The following RPN2 variants were observed in gnomAD, a reference collection of about 807,000 sequenced individuals.
RPN2 encodes ribophorin II, also known as dolichyl-diphosphooligosaccharide--protein glycosyltransferase subunit 2.
In RPN2, 29 loss-of-function variants were observed where a neutral mutation model predicts 71.4. The ratio of observed to expected loss-of-function variants is 0.41; its 90% CI spans 0.30 to 0.55. The LOEUF is 0.55. RPN2 is among the 20% of genes least tolerant of loss of function. The pLI is 0.35. For synonymous variants in RPN2, 308 were observed against 305.0 expected (o/e 1.01, Z -0.10); for missense variants, 726 against 774.1 (o/e 0.94, Z 0.74).
intron 9 of RPN2, among the ~76,000 whole-genome samples, chr20:37,217,600 T>C (rs1355928610): frequency 6.6e-6 from 1 of 151,818 alleles, no homozygotes; most frequent in Non-Finnish European, 1.5e-5. Flanking sequence ...CTAAATCTTA[T>C]TTTTTCAGTG....
intron 16 of RPN2, chr20:37,238,629 G>A (rs2068468663): frequency 1.4e-6 from 1 of 726,968 alleles, no homozygotes. Flanking sequence ...CTGGACCAGG[G>A]CAAAAGCTTC....
intron 1 of RPN2, among the ~76,000 whole-genome samples, chr20:37,182,283 AG>A (rs1323110031): frequency 3.3e-5 from 5 of 151,684 alleles, no homozygotes; most frequent in Admixed American, 1.3e-4. Flanking sequence ...TAGTAGAGAC[AG>A]GGTTTCACCA....
At chr20:37,233,059 C>G (rs2068293112) in intron 14 of RPN2, among the ~76,000 whole-genome samples, 1 of 151,244 alleles carries the variant, frequency 6.6e-6, no homozygotes, top group South Asian at 2.1e-4. Context: ...CTACTAAAAT[C>G]AGAAAATTAG....
At chr20:37,181,608 G>A (rs1010768472) in intron 1 of RPN2, among the ~76,000 whole-genome samples, 1 of 151,970 alleles carries the variant, frequency 6.6e-6, no homozygotes, top group African/African-American at 2.4e-5. Flanking sequence ...TAGTAGACAT[G>A]GGGTTTCACC....
intron 10 of RPN2, among the ~76,000 whole-genome samples, chr20:37,224,816 G>T (rs7266776): frequency 0.74 from 112,322 of 151,910 alleles, 41,994 homozygotes; most frequent in Middle Eastern, 0.85. Flanking sequence ...TTAGCCAGAG[G>T]CTGGAAGCCA....
chr20:37,221,672 G>C (rs1387449911), intron 9 of RPN2, among the ~76,000 whole-genome samples: 1 of 152,232 alleles, frequency 6.6e-6, no homozygotes, highest in Non-Finnish European at 1.5e-5. Context: ...GAATTACCTA[G>C]TTAATCTTGA....
At chr20:37,189,843 T>C (rs768910048) in intron 2 of RPN2, among the ~76,000 whole-genome samples, 1 of 152,226 alleles carries the variant, frequency 6.6e-6, no homozygotes, top group Non-Finnish European at 1.5e-5. Flanking sequence ...AAAGGTTTGC[T>C]TCTATTTATA....
At chr20:37,219,551 C>CA (rs1459460510) in intron 9 of RPN2, among the ~76,000 whole-genome samples, 3 of 152,098 alleles carry the variant, frequency 2.0e-5, no homozygotes, top group Admixed American at 6.5e-5. Flanking sequence ...TTTTGAGGCA[C>CA]AAAAAATCTT....
chr20:37,196,340 C>T (rs1379581742), intron 2 of RPN2, among the ~76,000 whole-genome samples: 2 of 152,146 alleles, frequency 1.3e-5, no homozygotes, highest in African/African-American at 2.4e-5. Context: ...ATCAGTCTCC[C>T]GCCTCAAGCC....
At chr20:37,238,047 A>G (rs1326273016) in intron 16 of RPN2, among the ~76,000 whole-genome samples, 4 of 152,184 alleles carry the variant, frequency 2.6e-5, no homozygotes, top group Admixed American at 2.6e-4. Context: ...ATAAAAATTA[A>G]GAAAAAAATC....
At chr20:37,205,896 T>C (rs2067500730) in intron 6 of RPN2, among the ~76,000 whole-genome samples, 1 of 152,246 alleles carries the variant, frequency 6.6e-6, no homozygotes, top group Non-Finnish European at 1.5e-5. Flanking sequence ...TTAAACATTT[T>C]CTTCCTTTAT....
At chr20:37,201,522 CTA>C (rs1199641226) in intron 4 of RPN2, among the ~76,000 whole-genome samples, 2 of 152,210 alleles carry the variant, frequency 1.3e-5, no homozygotes, top group East Asian at 3.9e-4. Context: ...AAGGATGAAA[CTA>C]TACTTTTGTG....
At chr20:37,237,920 G>A (rs1216315482) in intron 16 of RPN2, among the ~76,000 whole-genome samples, 5 of 152,188 alleles carry the variant, frequency 3.3e-5, no homozygotes, top group African/African-American at 1.2e-4. Context: ...TGCCCGCCAT[G>A]GTGGCTTATG....
chr20:37,179,517 G>A, intron 1 of RPN2, 148 bp downstream of exon 1: 1 of 1,408,004 alleles, frequency 7.1e-7, no homozygotes, highest in South Asian at 1.6e-5. Flanking sequence ...TCGGATCGAG[G>A]GTCCGAAGGA....
chr20:37,210,193 C>T (rs774693225), intron 8 of RPN2, 28 bp downstream of exon 8: 34 of 1,611,474 alleles, frequency 2.1e-5, no homozygotes, highest in Non-Finnish European at 2.8e-5. Context: ...TTTGGTGGGG[C>T]GCTGACCTCT....
chr20:37,221,245 G>T (rs1223074096), intron 9 of RPN2, among the ~76,000 whole-genome samples: 6 of 150,858 alleles, frequency 4.0e-5, no homozygotes, highest in Non-Finnish European at 8.8e-5. Context: ...GCCCAGGCTG[G>T]AGTGCAGTGG....
chr20:37,194,796 C>T (rs1231969423), intron 2 of RPN2, among the ~76,000 whole-genome samples: 2 of 152,036 alleles, frequency 1.3e-5, no homozygotes, highest in Non-Finnish European at 2.9e-5. Context: ...AAGGGTCTGG[C>T]GTGGGGCCCC....
intron 4 of RPN2, 47 bp downstream of exon 4, chr20:37,199,272 C>G (rs2067326652): frequency 1.9e-6 from 3 of 1,605,852 alleles, no homozygotes; most frequent in Non-Finnish European, 2.5e-6. Flanking sequence ...TGTCTCGGGT[C>G]CTATCCGAAG....
chr20:37,200,790 A>G (rs988816313), intron 4 of RPN2, among the ~76,000 whole-genome samples: 6 of 152,000 alleles, frequency 3.9e-5, no homozygotes, highest in African/African-American at 7.2e-5. Flanking sequence ...TTAATCCCTC[A>G]TGGGGAATGC....
Sources: gnomAD v4.1 joint callset for allele counts (sites outside exome capture counted in the v4.1 genomes callset) on GRCh38, gnomAD v4.1.1 for gene constraint, MANE v1.5 for transcripts, NCBI Gene and HGNC (gene_info 2026-07-23, HGNC 2026-07-21) for gene names.